Variants in GRXCR1 observed in about 807,000 individuals in gnomAD.
The protein encoded by GRXCR1 is glutaredoxin domain-containing cysteine-rich protein 1.
In GRXCR1, 27 loss-of-function variants were observed where a neutral mutation model predicts 27.3. The ratio of observed to expected loss-of-function variants is 0.99; its 90% CI spans 0.73 to 1.37. The LOEUF is 1.37. Among genes scored for constraint, GRXCR1 ranks in the 40% most tolerant of loss-of-function variants. The pLI is 0.00. For synonymous variants in GRXCR1, 122 were observed against 131.1 expected, an observed-to-expected ratio of 0.93 and a Z score of 0.47; for missense variants, 379 against 354.4, an observed-to-expected ratio of 1.07 and a Z score of -0.56.
At chr4:42,896,728 T>G (rs758420649) in intron 1 of GRXCR1, among the ~76,000 whole-genome samples, 5 of 152,088 alleles carry the variant, frequency 3.3e-5, no homozygotes, top group Non-Finnish European at 7.4e-5. Flanking sequence ...AAAGAGAAAT[T>G]CATCCAGTTC....
At chr4:42,964,320 T>C (rs547356558) in intron 2 of GRXCR1, among the ~76,000 whole-genome samples, 1 of 152,158 alleles carries the variant, frequency 6.6e-6, no homozygotes, top group African/African-American at 2.4e-5. Context: ...CAGGGTAGTC[T>C]TAGAAATAAA....
At chr4:42,934,715 A>G (rs1747416745) in intron 1 of GRXCR1, among the ~76,000 whole-genome samples, 1 of 151,958 alleles carries the variant, frequency 6.6e-6, no homozygotes, top group Non-Finnish European at 1.5e-5. Context: ...CTGCTCTGTG[A>G]ATAAACTTTG....
At chr4:43,011,275 T>C (rs1335841316) in intron 2 of GRXCR1, among the ~76,000 whole-genome samples, 1 of 152,234 alleles carries the variant, frequency 6.6e-6, no homozygotes, top group Non-Finnish European at 1.5e-5. Context: ...TGGAGTCTCA[T>C]GAAGGAGAAC....
At chr4:42,934,777 T>G (rs926308446) in intron 1 of GRXCR1, among the ~76,000 whole-genome samples, 1 of 151,978 alleles carries the variant, frequency 6.6e-6, no homozygotes, top group African/African-American at 2.4e-5. Context: ...TCATACAGAT[T>G]CATGTCTGAA....
intron 1 of GRXCR1, among the ~76,000 whole-genome samples, chr4:42,932,378 G>T (rs1186511506): frequency 1.3e-5 from 2 of 151,108 alleles, no homozygotes; most frequent in African/African-American, 2.4e-5. Flanking sequence ...GCTCCAGGTT[G>T]CTCCCTGCTT....
In GRXCR1 at chr4:43,030,599, A is replaced by T; in HGVS notation, c.*59A>T. ...TTAATCAAAGGCAATACTTTGGTTT[A>T]TATATATATTTTTAAATGGTTATGT... On this transcript the variant is annotated 3_prime_UTR_variant, in exon 4 of 4. Coordinates refer to ENST00000399770, the MANE Select transcript of GRXCR1 (RefSeq NM_001080476.3). 2.4e-6 allele frequency: 3 copies of T among 1,276,516 alleles called. No individual in the cohort carries two copies. The highest frequency in any genetic ancestry group is 3.4e-6 in the Non-Finnish European group (3 of 880,360). The allele number at this position is 1,276,516 out of a possible 1,614,324, so 79.1% of individuals were successfully genotyped here.
chr4:42,964,987 G>A (rs1275012278), intron 2 of GRXCR1, among the ~76,000 whole-genome samples: 1 of 151,998 alleles, frequency 6.6e-6, no homozygotes, highest in Non-Finnish European at 1.5e-5. Context: ...TTCAACTCCT[G>A]TGCAACTGCA....
intron 1 of GRXCR1, among the ~76,000 whole-genome samples, chr4:42,928,461 G>T (rs1747222693): frequency 6.6e-6 from 1 of 151,958 alleles, no homozygotes; most frequent in African/African-American, 2.4e-5. Flanking sequence ...AGGTCCTGTT[G>T]GCAGGGGATA....
intron 1 of GRXCR1, among the ~76,000 whole-genome samples, chr4:42,949,113 T>C (rs1747816544): frequency 6.6e-6 from 1 of 152,004 alleles, no homozygotes; most frequent in Non-Finnish European, 1.5e-5. Flanking sequence ...CCCAGCACTT[T>C]GGGAGGCTAA....
chr4:43,011,179 G>A (rs1712737939), intron 2 of GRXCR1, among the ~76,000 whole-genome samples: 1 of 152,194 alleles, frequency 6.6e-6, no homozygotes, highest in African/African-American at 2.4e-5. Flanking sequence ...CCACAAAAGA[G>A]TGAAATCATT....
At chr4:42,911,685 T>G (rs1051516400) in intron 1 of GRXCR1, among the ~76,000 whole-genome samples, 7 of 152,106 alleles carry the variant, frequency 4.6e-5, no homozygotes, top group African/African-American at 1.7e-4. Context: ...TTCTAGATCA[T>G]GTACACCCAT....
chr4:42,933,015 A>G (rs981923572), intron 1 of GRXCR1, among the ~76,000 whole-genome samples: 2 of 151,904 alleles, frequency 1.3e-5, no homozygotes, highest in African/African-American at 4.8e-5. Flanking sequence ...ATAAGGAGAC[A>G]CTACCACTTT....
In GRXCR1 at chr4:43,020,437, A is replaced by G. The variant is rs1713057912; in HGVS notation, c.693+18A>G. On this transcript the variant is annotated intron_variant, in intron 3 of 3. Coordinates refer to ENST00000399770, the MANE Select transcript of GRXCR1 (RefSeq NM_001080476.3). Reference sequence around the variant, plus strand: ...AAATTGAGGTAAATGTGCTTTCAGCAACTTAGTTTTAGTAATCAAAATATT... The same window carrying G: ...AAATTGAGGTAAATGTGCTTTCAGCGACTTAGTTTTAGTAATCAAAATATT... The G allele has an allele frequency of 6.5e-7, 1 of 1,528,334 alleles. No individual in the cohort carries two copies. The highest frequency in any genetic ancestry group is 1.4e-5 in the African/African-American group (1 of 73,272). The allele number at this position is 1,528,334 out of a possible 1,614,324, so 94.7% of individuals were successfully genotyped here.
intron 1 of GRXCR1, among the ~76,000 whole-genome samples, chr4:42,922,688 A>G (rs1009159734): frequency 1.3e-5 from 2 of 152,054 alleles, no homozygotes; most frequent in African/African-American, 4.8e-5. Context: ...TATCAGTGAG[A>G]TCCTGAGGCC....
At chr4:42,941,127 A>G (rs1747609523) in intron 1 of GRXCR1, among the ~76,000 whole-genome samples, 1 of 152,052 alleles carries the variant, frequency 6.6e-6, no homozygotes, top group Non-Finnish European at 1.5e-5. Flanking sequence ...CCTCTGGGAA[A>G]GAGGAATTGT....
At chr4:43,022,084 C>T (rs544222438) in intron 3 of GRXCR1, among the ~76,000 whole-genome samples, 84 of 152,282 alleles carry the variant, frequency 5.5e-4, no homozygotes, top group African/African-American at 1.9e-3. Flanking sequence ...CTACCCCAAT[C>T]CTGTGAAGTC....
At chr4:43,013,779 T>TA (rs1249040088) in intron 2 of GRXCR1, among the ~76,000 whole-genome samples, 1 of 152,240 alleles carries the variant, frequency 6.6e-6, no homozygotes, top group Admixed American at 6.5e-5. Flanking sequence ...ACCTGTTTTC[T>TA]AGCCTAGTGA....
intron 1 of GRXCR1, among the ~76,000 whole-genome samples, chr4:42,950,127 C>A (rs1353024149): frequency 2.0e-5 from 3 of 152,008 alleles, no homozygotes; most frequent in Non-Finnish European, 4.4e-5. Context: ...ATATAAAATA[C>A]AGTAGAAGAG....
At chr4:42,896,352 G>A (rs1337302889) in intron 1 of GRXCR1, among the ~76,000 whole-genome samples, 1 of 152,094 alleles carries the variant, frequency 6.6e-6, no homozygotes, top group Non-Finnish European at 1.5e-5. Flanking sequence ...TGGTCAATTA[G>A]TTTACCTTAT....
Sources: gnomAD v4.1 joint callset for allele counts (sites outside exome capture counted in the v4.1 genomes callset) on GRCh38, gnomAD v4.1.1 for gene constraint, MANE v1.5 for transcripts, NCBI Gene and HGNC (gene_info 2026-07-23, HGNC 2026-07-21) for gene names.